The following CDKL3 variants were observed in gnomAD, a reference collection of about 807,000 sequenced individuals.
The protein encoded by CDKL3 is cyclin-dependent kinase-like 3.
Under a neutral mutation model 69.3 loss-of-function variants are expected in CDKL3, and 65 were observed. The ratio of observed to expected loss-of-function variants is 0.94; its 90% CI spans 0.77 to 1.15. The LOEUF (loss-of-function observed/expected upper bound fraction) is 1.15, where lower values mean the gene tolerates loss of function less well. Among genes scored for constraint, CDKL3 ranks in the 50% most tolerant of loss-of-function variants. The pLI is 0.00. For synonymous variants in CDKL3, 202 were observed against 221.6 expected (o/e 0.91, Z 0.79); for missense variants, 652 against 689.2 (o/e 0.95, Z 0.61).
At chr5:134,371,399 CTG>C (rs1244338960), upstream of CDKL3, 8 of 728,442 alleles carry the variant, frequency 1.1e-5, no homozygotes, top group Non-Finnish European at 1.6e-5. Flanking sequence ...AGCACTCACA[CTG>C]TGGTAGCGGC....
At chr5:134,341,533 G>T (rs772940948) in intron 4 of CDKL3, among the ~76,000 whole-genome samples, 2 of 152,192 alleles carry the variant, frequency 1.3e-5, no homozygotes, top group Admixed American at 1.3e-4. Context: ...AGGCAGTGAG[G>T]GTACGGGATC....
At chr5:134,361,878 G>C (rs758102555) in intron 2 of CDKL3, among the ~76,000 whole-genome samples, 2 of 152,160 alleles carry the variant, frequency 1.3e-5, no homozygotes, top group African/African-American at 4.8e-5. Context: ...CACTCCAGCC[G>C]GGGTGACAAG....
At chr5:134,319,582 G>T in intron 5 of CDKL3, 85 bp from the exon 6 acceptor site, 2 of 1,164,272 alleles carry the variant, frequency 1.7e-6, no homozygotes, top group Non-Finnish European at 2.4e-6. Context: ...ATCTATGTTA[G>T]ATTACTAAAA....
intron 4 of CDKL3, among the ~76,000 whole-genome samples, chr5:134,328,132 T>G (rs545874980): frequency 6.6e-6 from 1 of 152,294 alleles, no homozygotes; most frequent in Admixed American, 6.5e-5. Context: ...CTGTGAGAGA[T>G]GACCCATACA....
At chr5:134,345,335 C>G (rs1328027016) in intron 4 of CDKL3, among the ~76,000 whole-genome samples, 10 of 152,106 alleles carry the variant, frequency 6.6e-5, no homozygotes, top group African/African-American at 2.4e-4. Flanking sequence ...GATACCAGGT[C>G]TGGGGCAACA....
At chr5:134,289,163 T>TAA (rs34873718) in intron 8 of CDKL3, among the ~76,000 whole-genome samples, 4,573 of 80,104 alleles carry the variant, frequency 0.057, 361 homozygotes, top group African/African-American at 0.17. Context: ...CCCTGTCTCA[T>TAA]AAAAAAAAAA....
chr5:134,343,342 T>G (rs1466184420), intron 4 of CDKL3, among the ~76,000 whole-genome samples: 2 of 152,230 alleles, frequency 1.3e-5, no homozygotes, highest in Non-Finnish European at 2.9e-5. Flanking sequence ...GAAGGAGATC[T>G]AACTTAATTG....
intron 4 of CDKL3, among the ~76,000 whole-genome samples, chr5:134,345,708 G>C (rs188452811): frequency 6.6e-6 from 1 of 152,158 alleles, no homozygotes; most frequent in Admixed American, 6.5e-5. Flanking sequence ...GGATGAGCCA[G>C]GAGAAGGAAT....
At chr5:134,321,157 C>T (rs1480167379) in intron 5 of CDKL3, among the ~76,000 whole-genome samples, 3 of 151,332 alleles carry the variant, frequency 2.0e-5, no homozygotes, top group Admixed American at 6.6e-5. Flanking sequence ...TACAGGCACT[C>T]GTCACCATAC....
intron 7 of CDKL3, among the ~76,000 whole-genome samples, chr5:134,310,030 C>A (rs1293046482): frequency 1.3e-4 from 20 of 151,910 alleles, no homozygotes; most frequent in Non-Finnish European, 7.4e-5. Flanking sequence ...AGGGTTTTGC[C>A]ATGTTGCCCA....
At position 134,305,479 on chromosome 5, in the gene CDKL3, T is replaced by C. The variant is rs188862517; in HGVS notation, c.1459-912A>G. 3.6e-4 allele frequency among the ~76,000 whole-genome samples: 55 copies of C among 152,316 alleles called. 1 individual carries two copies. The highest frequency in any genetic ancestry group is 1.3e-3 in the African/African-American group (55 of 41,580). Reference sequence around the variant, plus strand: ...TGCACTCTGACTTTGAACAAATTGCTTCAGTTCATTTTCTTAATAACTTCT... The same window carrying C: ...TGCACTCTGACTTTGAACAAATTGCCTCAGTTCATTTTCTTAATAACTTCT... On this transcript the variant is annotated intron_variant, in intron 10 of 12. Coordinates refer to ENST00000265334, the MANE Select transcript of CDKL3 (RefSeq NM_001113575.2).
intron 4 of CDKL3, among the ~76,000 whole-genome samples, chr5:134,335,361 CATT>C (rs1338143570): frequency 6.6e-6 from 1 of 152,058 alleles, no homozygotes; most frequent in East Asian, 1.9e-4. Flanking sequence ...TTGATTCTGT[CATT>C]ATGATGCTAG....
chr5:134,302,363 C>G (rs1225364576), intron 12 of CDKL3, among the ~76,000 whole-genome samples: 1 of 152,148 alleles, frequency 6.6e-6, no homozygotes, highest in African/African-American at 2.4e-5. Context: ...AATATTTTCC[C>G]TGGGTGCCAT....
chr5:134,299,530 A>G (rs1163430103), intron 12 of CDKL3: 8 of 1,207,048 alleles, frequency 6.6e-6, no homozygotes, highest in Non-Finnish European at 8.6e-6. Context: ...AAAGATTAAT[A>G]AATTTAAAAA....
chr5:134,293,368 C>A (rs1765211543), intron 8 of CDKL3, among the ~76,000 whole-genome samples: 1 of 151,972 alleles, frequency 6.6e-6, no homozygotes, highest in Non-Finnish European at 1.5e-5. Flanking sequence ...TAAAATCAAT[C>A]CTACACAAAT....
chr5:134,322,823 T>C (rs1179200872), intron 4 of CDKL3, among the ~76,000 whole-genome samples: 1 of 151,978 alleles, frequency 6.6e-6, no homozygotes, highest in East Asian at 1.9e-4. Context: ...CTACTAAAAA[T>C]ACAAAATTAG....
intron 12 of CDKL3, among the ~76,000 whole-genome samples, chr5:134,301,823 G>GT: frequency 1.3e-5 from 2 of 152,092 alleles, no homozygotes; most frequent in Non-Finnish European, 2.9e-5. Context: ...GGAGGCAGAG[G>GT]TTGCAGTGAG....
intron 8 of CDKL3, among the ~76,000 whole-genome samples, chr5:134,292,518 C>T (rs572441360): frequency 3.3e-5 from 5 of 151,762 alleles, no homozygotes; most frequent in Admixed American, 1.3e-4. Context: ...AATCAATGAC[C>T]GCAGCCTCCA....
chr5:134,307,484 T>G (rs1249853701), intron 9 of CDKL3, among the ~76,000 whole-genome samples: 1 of 152,192 alleles, frequency 6.6e-6, no homozygotes, highest in Non-Finnish European at 1.5e-5. Flanking sequence ...CTTCACAACC[T>G]GTGGCCCAAA....
Sources: allele counts gnomAD v4.1 joint callset (sites outside exome capture counted in the v4.1 genomes callset), GRCh38; gene constraint gnomAD v4.1.1; transcripts MANE v1.5; gene names NCBI Gene and HGNC (gene_info 2026-07-23, HGNC 2026-07-21).